Variants in FOCAD observed in about 807,000 individuals in gnomAD.
The protein encoded by FOCAD is KIAA1797.
Under a neutral mutation model 225.6 loss-of-function variants are expected in FOCAD, and 198 were observed. The observed-to-expected ratio is 0.88, with a 90% CI of 0.78 to 0.99. FOCAD has a LOEUF of 0.99. FOCAD is among the 50% of genes least tolerant of loss of function. The pLI, the probability that FOCAD is intolerant of heterozygous loss-of-function variation, is 0.00. For missense variants in FOCAD, 2,713 were observed against 2,123.6 expected (o/e 1.28, Z -5.46); for synonymous variants, 897 against 755.0 (o/e 1.19, Z -3.08).
chr9:20,809,612 C>T (rs1822833920), intron 11 of FOCAD, among the ~76,000 whole-genome samples: 1 of 151,994 alleles, frequency 6.6e-6, no homozygotes, highest in Non-Finnish European at 1.5e-5. Flanking sequence ...AAAATGTTTC[C>T]TTGTTCTTTT....
chr9:20,973,419 C>T (rs1290493743), intron 35 of FOCAD, among the ~76,000 whole-genome samples: 1 of 150,686 alleles, frequency 6.6e-6, no homozygotes, highest in African/African-American at 2.4e-5. Context: ...CTTGCTTCCC[C>T]ACTTTTAGCA....
intron 11 of FOCAD, among the ~76,000 whole-genome samples, chr9:20,803,023 G>A (rs1471798921): frequency 6.6e-6 from 1 of 151,914 alleles, no homozygotes; most frequent in Non-Finnish European, 1.5e-5. Flanking sequence ...CCAGTAGTGT[G>A]AATTATTATT....
Position 20,983,173 on chromosome 9 carries a change from T to G in FOCAD, c.4728+727T>G, listed in dbSNP as rs575849900. ...AGAAATGTGAGTTCTTGAGCCCCCATCTAGGCCTACTGAATCAGAAACTCT... is the reference window on the plus strand; with the variant it reads ...AGAAATGTGAGTTCTTGAGCCCCCAGCTAGGCCTACTGAATCAGAAACTCT... On this transcript the variant is annotated intron_variant, in intron 39 of 43. Coordinates refer to ENST00000338382, the MANE Select transcript of FOCAD (RefSeq NM_001375567.1). 7.9e-5 allele frequency among the ~76,000 whole-genome samples: 12 copies of G among 152,278 alleles called. No homozygotes were observed. In the South Asian group the frequency reaches 2.5e-3, roughly 32 times the overall value.
intron 1 of FOCAD, among the ~76,000 whole-genome samples, chr9:20,714,702 CTCTCTT>C (rs2131504043): frequency 7.6e-6 from 1 of 130,874 alleles, no homozygotes; most frequent in Admixed American, 8.2e-5. Context: ...CTTCCTTCCT[CTCTCTT>C]TCTCTCTTTC....
At chr9:20,817,655 G>C (rs944232893) in intron 11 of FOCAD, among the ~76,000 whole-genome samples, 1 of 114,182 alleles carries the variant, frequency 8.8e-6, no homozygotes, top group Non-Finnish European at 2.0e-5. Context: ...GAGGCCTTTT[G>C]TGGCTTTTTT....
intron 15 of FOCAD, among the ~76,000 whole-genome samples, chr9:20,828,689 G>A (rs1421978112): frequency 6.6e-6 from 1 of 152,044 alleles, no homozygotes; most frequent in Non-Finnish European, 1.5e-5. Context: ...TGTTACATAG[G>A]TAAACGTGTG....
At chr9:20,883,495 C>A (rs140938913) in intron 20 of FOCAD, among the ~76,000 whole-genome samples, 1 of 152,120 alleles carries the variant, frequency 6.6e-6, no homozygotes, top group African/African-American at 2.4e-5. Context: ...AATGACCATA[C>A]GCTGGACCAC....
intron 4 of FOCAD, among the ~76,000 whole-genome samples, 180 bp from the exon 5 acceptor site, chr9:20,740,056 C>G (rs1349858948): frequency 6.6e-6 from 1 of 152,094 alleles, no homozygotes; most frequent in Non-Finnish European, 1.5e-5. Flanking sequence ...TCCATTTCTT[C>G]TCCTTTAAAT....
chr9:20,870,255 G>C (rs1829644954), intron 18 of FOCAD, among the ~76,000 whole-genome samples: 1 of 152,166 alleles, frequency 6.6e-6, no homozygotes. Flanking sequence ...GTTTGGCTTT[G>C]ATTTAAAGTG....
intron 15 of FOCAD, among the ~76,000 whole-genome samples, chr9:20,859,742 A>C (rs1297250903): frequency 1.3e-5 from 2 of 148,676 alleles, no homozygotes; most frequent in Non-Finnish European, 3.0e-5. Context: ...AGAAGTGAGC[A>C]CTAACACATA....
intron 3 of FOCAD, 88 bp downstream of exon 3, chr9:20,717,956 G>A (rs1048130946): frequency 1.0e-6 from 1 of 983,856 alleles, no homozygotes; most frequent in African/African-American, 1.6e-5. Flanking sequence ...TTCCCTGATA[G>A]TTCAGATCAC....
chr9:20,885,834 A>G lies in FOCAD; in HGVS notation c.2625+604A>G, dbSNP rs527550687. Among the ~76,000 whole-genome samples, 7 of 152,306 alleles carry G rather than the reference A, an allele frequency of 4.6e-5. No individual in the cohort carries two copies. In the East Asian group the frequency reaches 1.2e-3, roughly 25 times the overall value. On this transcript the variant is annotated intron_variant, in intron 21 of 43. Transcript: ENST00000338382. ...TTTAAATATTTTATCACACTTACTC[A>G]TATGATGTATACAAATTAAAATGTA... is the stretch of plus-strand genomic sequence containing the variant.
At chr9:20,792,865 G>C (rs895999923) in intron 11 of FOCAD, among the ~76,000 whole-genome samples, 9 of 152,284 alleles carry the variant, frequency 5.9e-5, no homozygotes, top group Admixed American at 5.9e-4. Context: ...TTATAGGGCA[G>C]AACCCTGTGA....
At chr9:20,711,175 A>G (rs1223342191) in intron 1 of FOCAD, among the ~76,000 whole-genome samples, 3 of 152,234 alleles carry the variant, frequency 2.0e-5, no homozygotes, top group Non-Finnish European at 4.4e-5. Context: ...GAGATGTGCT[A>G]TGAAAGGAGT....
At chr9:20,926,160 C>CT (rs1834922965) in intron 25 of FOCAD, 141 bp from the exon 26 acceptor site, 1 of 597,376 alleles carries the variant, frequency 1.7e-6, no homozygotes, top group African/African-American at 1.9e-5. Flanking sequence ...TACGTGCATG[C>CT]TTATAGTCCA....
intron 6 of FOCAD, among the ~76,000 whole-genome samples, chr9:20,760,520 C>T: frequency 6.6e-6 from 1 of 152,188 alleles, no homozygotes; most frequent in South Asian, 2.1e-4. Context: ...CTGTTTCCTT[C>T]TCTCCATGTT....
chr9:20,938,882 TAA>T (rs1382971684), intron 28 of FOCAD, among the ~76,000 whole-genome samples: 1 of 151,850 alleles, frequency 6.6e-6, no homozygotes, highest in Non-Finnish European at 1.5e-5. Flanking sequence ...AAAAAGAATA[TAA>T]ATGTATTATT....
intron 11 of FOCAD, among the ~76,000 whole-genome samples, chr9:20,795,802 A>T (rs1442915833): frequency 6.7e-6 from 1 of 149,764 alleles, no homozygotes; most frequent in Admixed American, 6.6e-5. Context: ...AAAAAAAAAA[A>T]AAAAAGACAC....
chr9:20,781,534 G>C (rs983991458), intron 9 of FOCAD, among the ~76,000 whole-genome samples, 193 bp from the exon 10 acceptor site: 1 of 152,148 alleles, frequency 6.6e-6, no homozygotes, highest in Admixed American at 6.5e-5. Context: ...TATGTTAACA[G>C]CTTATTTTAT....
Sources: allele counts gnomAD v4.1 joint callset (sites outside exome capture counted in the v4.1 genomes callset), GRCh38; gene constraint gnomAD v4.1.1; transcripts MANE v1.5; gene names NCBI Gene and HGNC (gene_info 2026-07-23, HGNC 2026-07-21).